TTC7B: variants seen among roughly 807,000 people sequenced by gnomAD.
TTC7B encodes tetratricopeptide repeat protein 7B.
TTC7B carries 28 observed loss-of-function variants against 106.8 expected under a neutral mutation model. That is an observed-to-expected ratio of 0.26 (90% confidence interval 0.19 to 0.36). TTC7B has a LOEUF of 0.36. TTC7B is among the 10% of genes least tolerant of loss of function. The pLI, the probability that TTC7B is intolerant of heterozygous loss-of-function variation, is 1.00. For synonymous variants in TTC7B, 405 were observed against 430.6 expected, an observed-to-expected ratio of 0.94 and a Z score of 0.74; for missense variants, 862 against 1,076.4, an observed-to-expected ratio of 0.80 and a Z score of 2.79.
chr14:90,633,870 A>T (rs72691742), intron 15 of TTC7B, among the ~76,000 whole-genome samples: 1,559 of 152,026 alleles, frequency 0.01, 6 homozygotes, highest in Middle Eastern at 0.031. Context: ...GTACTTTGTT[A>T]ATTTTTTTTT....
rs149702176 is a variant in TTC7B, at chr14:90,744,813, C to A, written c.555G>T (p.Leu185=). 6 of 1,614,032 alleles carry A rather than the reference C, an allele frequency of 3.7e-6. No individual in the cohort carries two copies. Among genetic ancestry groups the A allele is most frequent in the Non-Finnish European group, 5.1e-6 (6 of 1,179,996 alleles). The change falls in exon 4 of 20, where the codon CTG becomes CTT. Residue 185 remains leucine (L), a synonymous_variant. Transcript: ENST00000328459. The part of the protein sequence containing the change: ...CYEKAGDIAL[L]YLQEIERVIL... ...TTACCCTTTCTATCTCTTGGAGATACAGGAGTGCGATGTCCCCTGCTTTCT... is the reference window on the plus strand; with the variant it reads ...TTACCCTTTCTATCTCTTGGAGATAAAGGAGTGCGATGTCCCCTGCTTTCT...
chr14:90,662,374 G>A (rs765617410), intron 9 of TTC7B, among the ~76,000 whole-genome samples: 1 of 152,204 alleles, frequency 6.6e-6, no homozygotes, highest in Non-Finnish European at 1.5e-5. Flanking sequence ...GGTGGAACTG[G>A]TGAGCTTAGC....
At chr14:90,756,262 C>G (rs954844962) in intron 3 of TTC7B, among the ~76,000 whole-genome samples, 12 of 152,156 alleles carry the variant, frequency 7.9e-5, no homozygotes, top group Non-Finnish European at 1.6e-4. Context: ...GGGCAGCACT[C>G]TGGGCTAGGG....
At chr14:90,627,664 G>A (rs1884507623) in intron 15 of TTC7B, among the ~76,000 whole-genome samples, 1 of 152,182 alleles carries the variant, frequency 6.6e-6, no homozygotes, top group Non-Finnish European at 1.5e-5. Flanking sequence ...ACAGGCAGGA[G>A]CTCCTGTTAG....
intron 9 of TTC7B, among the ~76,000 whole-genome samples, chr14:90,666,982 A>G (rs529338611): frequency 1.3e-5 from 2 of 152,354 alleles, no homozygotes; most frequent in South Asian, 2.1e-4. Context: ...TGCTTTGCCA[A>G]TGTAGCTGTT....
chr14:90,718,690 A>C (rs1414111373), intron 5 of TTC7B, among the ~76,000 whole-genome samples: 1 of 152,006 alleles, frequency 6.6e-6, no homozygotes, highest in East Asian at 1.9e-4. Context: ...CTACTTTTAC[A>C]GACAATATGC....
In TTC7B at chr14:90,642,736, T is replaced by C. The variant is rs555591576; in HGVS notation, c.1751+1312A>G. On this transcript the variant is annotated intron_variant, in intron 15 of 19. Transcript: ENST00000328459. The stretch of plus-strand genomic sequence containing the variant: ...TTCAGAGGAAAGATAAGAAGGTAGG[T>C]AGATGATTCTAGCATATGACAGTTT... 16 of 152,100 alleles carry C rather than the reference T, an allele frequency of 1.1e-4. No individual in the cohort carries two copies. In the East Asian group the frequency reaches 3.1e-3, roughly 29 times the overall value. The allele number at this position is 152,100 out of a possible 1,614,324, so 9.4% of individuals were successfully genotyped here.
At chr14:90,799,020 C>A (rs2030072244) in intron 1 of TTC7B, among the ~76,000 whole-genome samples, 1 of 152,142 alleles carries the variant, frequency 6.6e-6, no homozygotes, top group Non-Finnish European at 1.5e-5. Context: ...AGAGGGGTTC[C>A]CGTGGCTCAG....
At chr14:90,801,557 G>A (rs1246722481) in intron 1 of TTC7B, among the ~76,000 whole-genome samples, 1 of 152,150 alleles carries the variant, frequency 6.6e-6, no homozygotes, top group African/African-American at 2.4e-5. Context: ...ACCATTTACT[G>A]AGGTGAGGAG....
intron 5 of TTC7B, among the ~76,000 whole-genome samples, chr14:90,705,362 C>T (rs1384879480): frequency 1.3e-5 from 2 of 152,100 alleles, no homozygotes; most frequent in African/African-American, 2.4e-5. Flanking sequence ...ATTCGTTACT[C>T]GCAACTGATA....
chr14:90,611,190 T>C (rs1892857173), intron 16 of TTC7B, among the ~76,000 whole-genome samples: 1 of 152,164 alleles, frequency 6.6e-6, no homozygotes, highest in Non-Finnish European at 1.5e-5. Context: ...AGTGAAGTCT[T>C]AGCAAGTGAG....
chr14:90,720,983 T>C (rs1345211849), intron 5 of TTC7B, among the ~76,000 whole-genome samples: 2 of 151,978 alleles, frequency 1.3e-5, no homozygotes, highest in East Asian at 3.9e-4. Flanking sequence ...CTGCTCCCAT[T>C]AAAACTGAAA....
intron 1 of TTC7B, among the ~76,000 whole-genome samples, chr14:90,794,505 C>T (rs2140049374): frequency 6.6e-6 from 1 of 152,106 alleles, no homozygotes; most frequent in African/African-American, 2.4e-5. Flanking sequence ...GGATTATAGG[C>T]ATGAGCCACC....
In TTC7B at chr14:90,689,560, G is replaced by A. The variant is rs1392205601; in HGVS notation, c.930C>T (p.Ala310=). 4 of 1,613,904 alleles carry A rather than the reference G, an allele frequency of 2.5e-6. No homozygotes were observed. The highest frequency in any genetic ancestry group is 3.4e-6 in the Non-Finnish European group (4 of 1,179,976). ...CATACTTCTCTCCTGAGTAGACACG[G>A]GCTCTCCGAGTGAGAGTGTAGGTTT... The part of the protein sequence containing the change: ...NTKTYTLTRR[A]RVYSGENIFC... The change falls in exon 7 of 20, where the codon GCC becomes GCT. Residue 310 remains alanine, a synonymous_variant. Transcript: ENST00000328459.
intron 4 of TTC7B, among the ~76,000 whole-genome samples, chr14:90,737,172 A>G (rs1469878678): frequency 6.6e-6 from 1 of 152,224 alleles, no homozygotes; most frequent in Admixed American, 6.5e-5. Context: ...TCAAACTGTA[A>G]GAAAACAACA....
chr14:90,573,735 G>A (rs1222343831), intron 19 of TTC7B, among the ~76,000 whole-genome samples: 1 of 152,082 alleles, frequency 6.6e-6, no homozygotes, highest in Admixed American at 6.5e-5. Context: ...TGTCCACTCC[G>A]CCAAGCCCTG....
At chr14:90,642,753 T>A (rs1885236755) in intron 15 of TTC7B, 1 of 152,218 alleles carries the variant, frequency 6.6e-6, no homozygotes. Flanking sequence ...TTCTAGCATA[T>A]GACAGTTTAC....
rs1441061989 is a variant in TTC7B at position 90,578,363 on chromosome 14, G to A, written c.2108-55C>T. ...TCCTGGTGCCCCTCTGAGGCCCTGC[G>A]AGCAGCCACCACTCTGATGTTCGTG... On this transcript the variant is annotated intron_variant, in intron 18 of 19. Coordinates refer to ENST00000328459, the MANE Select transcript of TTC7B (RefSeq NM_001010854.2). This position sits in a 1 kb window ranked among gnomAD's most constrained non-coding sequence, Gnocchi z 4.7. 13 of 1,552,760 alleles carry A rather than the reference G, an allele frequency of 8.4e-6. No individual in the cohort carries two copies. The highest frequency in any genetic ancestry group is 2.7e-5 in the African/African-American group (2 of 74,086).
intron 18 of TTC7B, among the ~76,000 whole-genome samples, chr14:90,584,664 G>A (rs1364296614): frequency 2.0e-5 from 3 of 151,414 alleles, no homozygotes; most frequent in Non-Finnish European, 2.9e-5. Flanking sequence ...CCTCACCTGC[G>A]CCTGGCAGAG....
Sources: allele counts gnomAD v4.1 joint callset (sites outside exome capture counted in the v4.1 genomes callset), GRCh38; gene constraint gnomAD v4.1.1; non-coding constraint Gnocchi (gnomAD v3.1); transcripts MANE v1.5; gene names NCBI Gene and HGNC (gene_info 2026-07-23, HGNC 2026-07-21).